Variants in ITGA8 observed in about 807,000 individuals in gnomAD.
ITGA8 encodes the protein integrin alpha-8.
ITGA8 carries 91 observed loss-of-function variants against 142.3 expected under a neutral mutation model. The ratio of observed to expected loss-of-function variants is 0.64; its 90% confidence interval spans 0.54 to 0.76. The LOEUF is 0.76. ITGA8 is among the 30% of genes least tolerant of loss of function. The pLI is 0.00. For synonymous variants in ITGA8, 505 were observed against 485.2 expected (o/e 1.04, Z -0.54); for missense variants, 1,406 against 1,327.7 (o/e 1.06, Z -0.92).
At chr10:15,633,910 A>G (rs1449131073) in intron 13 of ITGA8, among the ~76,000 whole-genome samples, 1 of 152,212 alleles carries the variant, frequency 6.6e-6, no homozygotes, top group East Asian at 1.9e-4. Context: ...TTGAATACAT[A>G]TGGCCTTCGG....
chr10:15,521,581 A>G (rs1176544476), intron 28 of ITGA8, among the ~76,000 whole-genome samples: 1 of 152,206 alleles, frequency 6.6e-6, no homozygotes, highest in Non-Finnish European at 1.5e-5. Context: ...TTCATGAGAA[A>G]AAGGCTGGCC....
intron 20 of ITGA8, among the ~76,000 whole-genome samples, chr10:15,601,488 A>G (rs991329423): frequency 6.6e-6 from 1 of 152,168 alleles, no homozygotes; most frequent in African/African-American, 2.4e-5. Context: ...AGGTCTGGAG[A>G]TGGACAGTGC....
At chr10:15,546,881 G>A (rs1261202983) in intron 27 of ITGA8, among the ~76,000 whole-genome samples, 2 of 150,302 alleles carry the variant, frequency 1.3e-5, no homozygotes, top group Non-Finnish European at 3.0e-5. Flanking sequence ...GGAAGGGAAG[G>A]GAAAGGAAGA....
intron 23 of ITGA8, among the ~76,000 whole-genome samples, chr10:15,586,049 A>ATTTTTTTTTTTT (rs59435924): frequency 2.6e-5 from 2 of 76,816 alleles, no homozygotes; most frequent in African/African-American, 1.1e-4. Context: ...GAATAAAGTG[A>ATTTTTTTTTTTT]TTTTTTTTTT....
chr10:15,624,385 G>T (rs988839467), intron 13 of ITGA8, among the ~76,000 whole-genome samples: 1 of 152,186 alleles, frequency 6.6e-6, no homozygotes, highest in African/African-American at 2.4e-5. Context: ...AGATGAGAAG[G>T]GCAAGAGCTC....
intron 26 of ITGA8, among the ~76,000 whole-genome samples, chr10:15,557,304 C>T (rs145374627): frequency 0.05 from 7,555 of 152,168 alleles, 422 homozygotes; most frequent in African/African-American, 0.13. Context: ...TGCTTGAACC[C>T]GAGAAGCAGA....
intron 13 of ITGA8, among the ~76,000 whole-genome samples, chr10:15,639,606 C>T (rs768137972): frequency 1.3e-5 from 2 of 152,218 alleles, no homozygotes; most frequent in South Asian, 2.1e-4. Flanking sequence ...TCACCCCACC[C>T]GCTTGATCTC....
At chr10:15,614,973 G>A (rs1445753991) in intron 14 of ITGA8, among the ~76,000 whole-genome samples, 1 of 152,178 alleles carries the variant, frequency 6.6e-6, no homozygotes, top group Non-Finnish European at 1.5e-5. Context: ...TCCCTGGAAG[G>A]ATCAAGGGAA....
chr10:15,589,801 C>T (rs111742081), intron 22 of ITGA8, among the ~76,000 whole-genome samples: 81 of 139,500 alleles, frequency 5.8e-4, no homozygotes, highest in African/African-American at 2.0e-3. Context: ...CTCACTCTAT[C>T]ACCCTGACTG....
chr10:15,518,401 A>G (rs1196602121), intron 29 of ITGA8, among the ~76,000 whole-genome samples: 1 of 152,252 alleles, frequency 6.6e-6, no homozygotes, highest in African/African-American at 2.4e-5. Flanking sequence ...TTCTAAAGGC[A>G]TGTCATAGAC....
chr10:15,711,088 A>C (rs952851609), intron 2 of ITGA8, among the ~76,000 whole-genome samples: 2 of 152,228 alleles, frequency 1.3e-5, no homozygotes, highest in Non-Finnish European at 1.5e-5. Flanking sequence ...CTCTTCAGTG[A>C]CTACCAGTGA....
chr10:15,609,175 C>G (rs1457646332), intron 15 of ITGA8, among the ~76,000 whole-genome samples: 1 of 152,060 alleles, frequency 6.6e-6, no homozygotes, highest in African/African-American at 2.4e-5. Context: ...CGACTGACTC[C>G]CTGGCTGCCT....
chr10:15,557,999 TA>T, intron 26 of ITGA8, 74 bp downstream of exon 26: 1 of 1,555,828 alleles, frequency 6.4e-7, no homozygotes, highest in Non-Finnish European at 8.8e-7. Context: ...TCCTTGAAGT[TA>T]AAACTATCTG....
chr10:15,603,980 C>T (rs1244170052), intron 20 of ITGA8, among the ~76,000 whole-genome samples: 3 of 152,064 alleles, frequency 2.0e-5, no homozygotes, highest in Non-Finnish European at 4.4e-5. Context: ...TGCTTTAGCT[C>T]TCAATCTTTG....
chr10:15,692,525 TC>T (rs1408261408), intron 2 of ITGA8, among the ~76,000 whole-genome samples: 3 of 152,206 alleles, frequency 2.0e-5, no homozygotes, highest in Non-Finnish European at 2.9e-5. Context: ...TATTTCCAAA[TC>T]TTTCCCAATA....
Position 15,536,775 on chromosome 10 carries a change from A to G in ITGA8, c.2881-5624T>C, listed in dbSNP as rs149938673. ...TTGTAGCTCACTGGCTGTCTCTATC[A>G]TGCACTTTTGCACAATGATTTGCTT... On this transcript the variant is annotated intron_variant, in intron 27 of 29. Coordinates refer to ENST00000378076, the MANE Select transcript of ITGA8 (RefSeq NM_003638.3). Among the ~76,000 whole-genome samples the G allele has an allele frequency of 4.0e-3, 611 of 152,296 alleles. 1 individual carries two copies. The highest frequency in any genetic ancestry group is 6.9e-3 in the Non-Finnish European group (467 of 68,022).
intron 28 of ITGA8, among the ~76,000 whole-genome samples, chr10:15,529,583 C>T (rs1833250446): frequency 6.6e-6 from 1 of 152,160 alleles, no homozygotes; most frequent in Non-Finnish European, 1.5e-5. Context: ...TGTCAGGGTC[C>T]CACCCCAGAC....
intron 2 of ITGA8, among the ~76,000 whole-genome samples, chr10:15,711,597 A>G (rs1835364707): frequency 6.6e-6 from 1 of 152,130 alleles, no homozygotes; most frequent in Admixed American, 6.6e-5. Context: ...TTTCATAAAT[A>G]CAGGCAGTCA....
intron 21 of ITGA8, among the ~76,000 whole-genome samples, chr10:15,594,810 A>C (rs976512544): frequency 6.6e-6 from 1 of 152,132 alleles, no homozygotes; most frequent in Non-Finnish European, 1.5e-5. Flanking sequence ...TGCCAAAAGA[A>C]TGATGAGAGT....
Sources: gnomAD v4.1 joint callset for allele counts (sites outside exome capture counted in the v4.1 genomes callset) on GRCh38, gnomAD v4.1.1 for gene constraint, MANE v1.5 for transcripts, NCBI Gene and HGNC (gene_info 2026-07-23, HGNC 2026-07-21) for gene names.